The following ANAPC11 variants were observed in gnomAD, a reference collection of about 807,000 sequenced individuals.
ANAPC11 encodes the protein anaphase-promoting complex subunit 11.
A neutral mutation model predicts 11.8 loss-of-function variants in ANAPC11; 5 were observed. The ratio of observed to expected loss-of-function variants is 0.42; its 90% CI spans 0.22 to 0.89. ANAPC11 has a LOEUF of 0.89. Among genes scored for constraint, ANAPC11 ranks in the 40% least tolerant of loss-of-function variants. The probability of loss-of-function intolerance (pLI) is 0.28; values close to 1 mark genes in which losing one functional copy is unlikely to be tolerated. For missense variants in ANAPC11, 68 were observed against 112.9 expected (o/e 0.60, Z 1.80); for synonymous variants, 45 against 41.0 (o/e 1.10, Z -0.38).
At chr17:81,890,980 A>G, upstream of ANAPC11, 1 of 1,110,014 alleles carries the variant, frequency 9.0e-7, no homozygotes, top group Non-Finnish European at 1.3e-6. Flanking sequence ...CCCCAGCCCG[A>G]GGCCGCACGG....
rs1397874225 is a variant in ANAPC11, at chr17:81,895,027, A to ATTTTC, written c.109+450_109+454dup. Among the ~76,000 whole-genome samples, 109 of 78,760 alleles carry ATTTTC rather than the reference A, an allele frequency of 1.4e-3. 1 individual carries two copies. Among genetic ancestry groups the ATTTTC allele is most frequent in the African/African-American group, 4.9e-3 (104 of 21,338 alleles). 51.7% of individuals were successfully genotyped at this position (78,760 alleles called of 152,430 possible). On this transcript the variant is annotated intron_variant, in intron 3 of 3. Coordinates refer to ENST00000344877, the MANE Select transcript of ANAPC11 (RefSeq NM_001002248.3). ...GCCACTTTGCCTGGCCCACATTTTT[A>ATTTTC]TTTTCTTTTCTTTCTTTCTTTTCTT...
chr17:81,890,912 G>A (rs1241866259), upstream of ANAPC11: 1 of 1,560,448 alleles, frequency 6.4e-7, no homozygotes. Flanking sequence ...TCCTCTTCCC[G>A]GCCTGAGAGG....
rs144660827 is a variant in ANAPC11 at position 81,894,332 on chromosome 17, G to C, written c.-11-135G>C. On this transcript the variant is annotated intron_variant, in intron 2 of 3. Transcript: ENST00000344877. ...TCCCAGGCTGGGTTCGGACTCCTGG[G>C]CCGGTATGATCTTCCTGCCTTGGCC... The C allele has an allele frequency of 8.6e-4, 377 of 438,624 alleles. 5 individuals are homozygous for C. The East Asian group carries it at 0.013, about 15-fold the overall frequency. The allele number at this position is 438,624 out of a possible 1,614,324, so 27.2% of individuals were successfully genotyped here. A position where few individuals can be genotyped will look rare whatever the true frequency, so the allele number is the denominator to read the frequency against.
chr17:81,891,586 C>T (rs749696229), upstream of ANAPC11: 2 of 1,413,856 alleles, frequency 1.4e-6, no homozygotes, highest in African/African-American at 3.0e-5. Flanking sequence ...GGCATCGGCT[C>T]GAGCCCGCGC....
upstream of ANAPC11, chr17:81,890,990 G>A (rs1212211112): frequency 3.9e-5 from 39 of 1,003,866 alleles, no homozygotes; most frequent in Non-Finnish European, 5.0e-5. Context: ...AGGCCGCACG[G>A]TCCCACCGCG....
intron 3 of ANAPC11, among the ~76,000 whole-genome samples, chr17:81,896,395 C>G (rs567201407): frequency 6.6e-6 from 1 of 152,032 alleles, no homozygotes; most frequent in South Asian, 2.1e-4. Context: ...GCACTCCAGC[C>G]TGGGCAACAA....
At chr17:81,891,486 C>T, upstream of ANAPC11, 3 of 1,231,472 alleles carry the variant, frequency 2.4e-6, no homozygotes, top group Non-Finnish European at 3.1e-6. Context: ...GCCCCGGCCC[C>T]CGCCCCGGCC....
upstream of ANAPC11, chr17:81,891,015 G>T (rs2039513184): frequency 2.4e-6 from 2 of 837,098 alleles, no homozygotes; most frequent in African/African-American, 1.7e-5. Flanking sequence ...CACAACTTCA[G>T]TTCCCTTAGA....
intron 2 of ANAPC11, among the ~76,000 whole-genome samples, chr17:81,894,136 C>T (rs778400742): frequency 9.9e-5 from 15 of 151,508 alleles, no homozygotes; most frequent in Non-Finnish European, 1.9e-4. Context: ...ATTAGTCGGG[C>T]GTGGAGTCAC....
At chr17:81,892,967 C>T (rs1202789277) in intron 1 of ANAPC11, 1 of 151,800 alleles carries the variant, frequency 6.6e-6, no homozygotes, top group Non-Finnish European at 1.5e-5. Context: ...GAGCTATCCT[C>T]CCACGTCAGC....
Position 81,891,738 on chromosome 17 carries a change from C to A in ANAPC11, c.-178C>A, listed in dbSNP as rs1418309488. On this transcript the variant is annotated 5_prime_UTR_variant, in exon 1 of 4. Coordinates refer to ENST00000344877, the MANE Select transcript of ANAPC11 (RefSeq NM_001002248.3). ...GGGGAGGCGCGTGCGCACTGGCGTGCGAGACTCGGCGGGCGCTGTTGAGGG... is the reference window on the plus strand; with the variant it reads ...GGGGAGGCGCGTGCGCACTGGCGTGAGAGACTCGGCGGGCGCTGTTGAGGG... The A allele has an allele frequency of 5.6e-6, 3 of 534,530 alleles. No individual in the cohort carries two copies. The highest frequency in any genetic ancestry group is 5.7e-5 in the Admixed American group (1 of 17,668). 33.1% of individuals were successfully genotyped at this position (534,530 alleles called of 1,614,324 possible).
intron 3 of ANAPC11, chr17:81,898,889 C>T (rs1474511999): frequency 3.1e-6 from 1 of 318,544 alleles, no homozygotes; most frequent in South Asian, 5.1e-5. Flanking sequence ...TAAACGAGGC[C>T]TCCCCCGAGT....
At chr17:81,891,581 C>A, upstream of ANAPC11, 1 of 1,426,552 alleles carries the variant, frequency 7.0e-7, no homozygotes, top group East Asian at 3.3e-5. Context: ...AATCGGGCAT[C>A]GGCTCGAGCC....
chr17:81,900,067 G>A lies in ANAPC11; in HGVS notation c.*2G>A. ...CAGGAATGGAAGTTCAAGGAGTGAG[G>A]CCCGACCTGGCTCTCGCTGGAGGGG... On this transcript the variant is annotated 3_prime_UTR_variant, in exon 4 of 4. Coordinates refer to ENST00000344877, the MANE Select transcript of ANAPC11 (RefSeq NM_001002248.3). The A allele has an allele frequency of 6.2e-7, 1 of 1,612,442 alleles. No individual in the cohort carries two copies. The highest frequency in any genetic ancestry group is 8.5e-7 in the Non-Finnish European group (1 of 1,179,822).
At position 81,900,082 on chromosome 17, in the gene ANAPC11, C is replaced by A. The variant is rs1026342272; in HGVS notation, c.*17C>A. 6.2e-7 allele frequency: 1 copy of A among 1,611,882 alleles called. No homozygotes were observed. The highest frequency in any genetic ancestry group is 1.7e-5 in the Admixed American group (1 of 59,882). On this transcript the variant is annotated 3_prime_UTR_variant, in exon 4 of 4. Transcript: ENST00000344877. The stretch of plus-strand genomic sequence containing the variant: ...AAGGAGTGAGGCCCGACCTGGCTCT[C>A]GCTGGAGGGGCATCCTGAGACTCCT...
intron 2 of ANAPC11, 65 bp from the exon 3 acceptor site, chr17:81,894,402 T>C: frequency 1.1e-6 from 1 of 923,550 alleles, no homozygotes; most frequent in South Asian, 1.5e-5. Flanking sequence ...ATACCTGTGT[T>C]GGTGCCTAAA....
chr17:81,900,393 A>G, downstream of ANAPC11: 1 of 398,396 alleles, frequency 2.5e-6, no homozygotes, highest in Non-Finnish European at 4.6e-6. Flanking sequence ...TGGGAGGAGA[A>G]GGAGCAGGAT....
rs1453256909 is a variant in ANAPC11, at chr17:81,891,804, C to G, written c.-112C>G. On this transcript the variant is annotated 5_prime_UTR_variant, in exon 1 of 4. Transcript: ENST00000344877. The stretch of plus-strand genomic sequence containing the variant: ...GTGGTCGTTTTTATACCTTCCCGCG[C>G]GGACGCCGGCGCTGCCAACGGAAGG... The G allele has an allele frequency of 4.2e-6, 1 of 237,216 alleles. No individual in the cohort carries two copies. The highest frequency in any genetic ancestry group is 2.3e-5 in the African/African-American group (1 of 42,762). The allele number at this position is 237,216 out of a possible 1,614,324, so 14.7% of individuals were successfully genotyped here.
At position 81,899,555 on chromosome 17, in the gene ANAPC11, C is replaced by G. The variant is rs553577795; in HGVS notation, c.110-365C>G. The G allele has an allele frequency of 6.2e-6, 10 of 1,608,766 alleles. No homozygotes were observed. The African/African-American group carries it at 1.2e-4, about 19-fold the overall frequency. ...CCAGGGCCTGTAGGTCAGACATTGC[C>G]CTTTTTCCCCAGCCTCAAGCACAGG... is the stretch of plus-strand genomic sequence containing the variant. On this transcript the variant is annotated intron_variant, in intron 3 of 3. Transcript: ENST00000344877.
Sources: allele counts gnomAD v4.1 joint callset (sites outside exome capture counted in the v4.1 genomes callset), GRCh38; gene constraint gnomAD v4.1.1; transcripts MANE v1.5; gene names NCBI Gene and HGNC (gene_info 2026-07-23, HGNC 2026-07-21).